VWC2: variants seen among roughly 807,000 people sequenced by gnomAD.
The protein encoded by VWC2 is von Willebrand factor C domain containing 2, also known as brorin.
A neutral mutation model predicts 29.8 loss-of-function variants in VWC2; 14 were observed. The observed-to-expected ratio is 0.47, with a 90% CI of 0.31 to 0.74. The LOEUF is 0.74. Among genes scored for constraint, VWC2 ranks in the 30% least tolerant of loss-of-function variants. The pLI, the probability that VWC2 is intolerant of heterozygous loss-of-function variation, is 0.05. For synonymous variants in VWC2, 213 were observed against 199.0 expected, an observed-to-expected ratio of 1.07 and a Z score of -0.59; for missense variants, 457 against 459.8, an observed-to-expected ratio of 0.99 and a Z score of 0.05.
intron 2 of VWC2, among the ~76,000 whole-genome samples, chr7:49,780,208 T>C (rs1409950413): frequency 1.3e-5 from 2 of 152,208 alleles, no homozygotes; most frequent in Non-Finnish European, 2.9e-5. Flanking sequence ...GAACATTAAC[T>C]GAGGGGCTCA....
At chr7:49,813,895 T>C (rs1789070057) in intron 3 of VWC2, among the ~76,000 whole-genome samples, 1 of 152,186 alleles carries the variant, frequency 6.6e-6, no homozygotes, top group Admixed American at 6.5e-5. Context: ...TTAGCTACAA[T>C]ATTTAGCAGA....
chr7:49,786,024 T>C (rs1488709672), intron 2 of VWC2, among the ~76,000 whole-genome samples: 1 of 152,170 alleles, frequency 6.6e-6, no homozygotes, highest in African/African-American at 2.4e-5. Flanking sequence ...TTTTGCAAGG[T>C]ATTTGTTACC....
chr7:49,875,976 G>T lies in VWC2; in HGVS notation c.827-36058G>T, dbSNP rs1455390111. On this transcript the variant is annotated intron_variant, in intron 3 of 3. Coordinates refer to ENST00000340652, the MANE Select transcript of VWC2 (RefSeq NM_198570.5). ...GAGTCGAAGAAATTGGTGTTGCATT[G>T]TGCTGGCACACTTATTCTGTACTGT... Among the ~76,000 whole-genome samples the T allele has an allele frequency of 1.3e-5, 2 of 152,128 alleles. 1 individual carries two copies. Among genetic ancestry groups the T allele is most frequent in the Non-Finnish European group, 2.9e-5 (2 of 68,018 alleles).
intron 3 of VWC2, among the ~76,000 whole-genome samples, chr7:49,903,761 G>A (rs1792915295): frequency 6.6e-6 from 1 of 152,172 alleles, no homozygotes; most frequent in African/African-American, 2.4e-5. Flanking sequence ...CTTGCTCCAG[G>A]AAAATTTAGG....
intron 3 of VWC2, among the ~76,000 whole-genome samples, chr7:49,871,285 C>T (rs896471076): frequency 1.6e-4 from 24 of 152,094 alleles, no homozygotes; most frequent in African/African-American, 5.6e-4. Flanking sequence ...TTTCATGGAC[C>T]TTTTGATCCA....
chr7:49,797,322 G>A lies in VWC2; in HGVS notation c.697-5389G>A, dbSNP rs375571177. Among the ~76,000 whole-genome samples the A allele has an allele frequency of 1.4e-4, 21 of 152,250 alleles. No homozygotes were observed. The East Asian group carries it at 3.9e-3, about 28-fold the overall frequency. On this transcript the variant is annotated intron_variant, in intron 2 of 3. Transcript: ENST00000340652. ...TACAATTACTTGGAAAATTGTTCTG[G>A]GGTTTTCATGCCTCCCATTTGTCTG...
chr7:49,846,791 TC>T (rs1562728449), intron 3 of VWC2, among the ~76,000 whole-genome samples: 1 of 152,176 alleles, frequency 6.6e-6, no homozygotes, highest in Non-Finnish European at 1.5e-5. Flanking sequence ...ACATTTTCCC[TC>T]CTTTATACAT....
Position 49,821,016 on chromosome 7 carries a change from C to T in VWC2, c.826+18176C>T, listed in dbSNP as rs116257863. On this transcript the variant is annotated intron_variant, in intron 3 of 3. Transcript: ENST00000340652. Reference sequence around the variant, plus strand: ...GATGAGCTGCCCAGCCCTCCCCGCCCAGGATGCTGAATGAAGGGCTTGTTT... The same window carrying T: ...GATGAGCTGCCCAGCCCTCCCCGCCTAGGATGCTGAATGAAGGGCTTGTTT... Among the ~76,000 whole-genome samples, 801 of 152,306 alleles carry T rather than the reference C, an allele frequency of 5.3e-3. 6 individuals carry two copies. The highest frequency in any genetic ancestry group is 0.018 in the African/African-American group (743 of 41,564).
At chr7:49,910,236 G>A (rs1018863011) in intron 3 of VWC2, among the ~76,000 whole-genome samples, 2 of 152,170 alleles carry the variant, frequency 1.3e-5, no homozygotes, top group East Asian at 1.9e-4. Flanking sequence ...GGGCGAACTC[G>A]AAAACCACCA....
chr7:49,899,983 C>T (rs1792625126), intron 3 of VWC2, among the ~76,000 whole-genome samples: 1 of 151,672 alleles, frequency 6.6e-6, no homozygotes, highest in African/African-American at 2.4e-5. Flanking sequence ...TCTCAGACTA[C>T]AAGGGAATTA....
At chr7:49,792,200 G>A (rs1788475940) in intron 2 of VWC2, among the ~76,000 whole-genome samples, 1 of 152,170 alleles carries the variant, frequency 6.6e-6, no homozygotes, top group Admixed American at 6.5e-5. Flanking sequence ...GTCCCCCATG[G>A]ATACCAGCGG....
intron 2 of VWC2, among the ~76,000 whole-genome samples, 164 bp downstream of exon 2, chr7:49,776,295 G>A (rs951518598): frequency 6.6e-6 from 1 of 152,232 alleles, no homozygotes; most frequent in Non-Finnish European, 1.5e-5. Flanking sequence ...TTTCAGGGCA[G>A]AGGTAATCCT....
In VWC2 at chr7:49,834,391, G is replaced by A. The variant is rs117732391; in HGVS notation, c.826+31551G>A. On this transcript the variant is annotated intron_variant, in intron 3 of 3. Coordinates refer to ENST00000340652, the MANE Select transcript of VWC2 (RefSeq NM_198570.5). Reference sequence around the variant, plus strand: ...GCAGAGAGCTTTCATCATACATTAAGAAGTCCATGCTGGAAACAAGATACA... The same window carrying A: ...GCAGAGAGCTTTCATCATACATTAAAAAGTCCATGCTGGAAACAAGATACA... Among the ~76,000 whole-genome samples the A allele has an allele frequency of 3.7e-3, 560 of 152,282 alleles. 3 individuals are homozygous for A. The highest frequency in any genetic ancestry group is 6.1e-3 in the Non-Finnish European group (417 of 68,024).
At chr7:49,899,766 G>A (rs1355813783) in intron 3 of VWC2, among the ~76,000 whole-genome samples, 4 of 151,856 alleles carry the variant, frequency 2.6e-5, no homozygotes, top group Non-Finnish European at 5.9e-5. Context: ...ATAGATTCGG[G>A]AAGCTGAAAA....
chr7:49,911,343 G>A (rs1793411696), intron 3 of VWC2, among the ~76,000 whole-genome samples: 1 of 151,774 alleles, frequency 6.6e-6, no homozygotes, highest in Non-Finnish European at 1.5e-5. Context: ...TTAGCTGGGT[G>A]TGGTGGCACG....
intron 3 of VWC2, among the ~76,000 whole-genome samples, chr7:49,905,279 G>C (rs10240475): frequency 0.029 from 4,369 of 152,240 alleles, 232 homozygotes; most frequent in African/African-American, 0.1. Flanking sequence ...GAGAGTACAT[G>C]ATAGCTATGG....
In VWC2 at chr7:49,833,008, T is replaced by C. The variant is rs142953298; in HGVS notation, c.826+30168T>C. On this transcript the variant is annotated intron_variant, in intron 3 of 3. Transcript: ENST00000340652. ...AGCCCTGTACATCCTGAGTTGGAAA[T>C]GTGAAAAGTCCAGAAGTCAAAATGA... Among the ~76,000 whole-genome samples, 1,121 of 152,210 alleles carry C rather than the reference T, an allele frequency of 7.4e-3. 52 individuals carry two copies. The South Asian group carries it at 0.12, about 16-fold the overall frequency.
chr7:49,777,073 A>T (rs1225075344), intron 2 of VWC2, among the ~76,000 whole-genome samples: 1 of 152,240 alleles, frequency 6.6e-6, no homozygotes, highest in Non-Finnish European at 1.5e-5. Context: ...AATCTCTGCC[A>T]GTGGGCTAGG....
Position 49,853,889 on chromosome 7 carries a change from G to A in VWC2, c.826+51049G>A, listed in dbSNP as rs551911291. Among the ~76,000 whole-genome samples the A allele has an allele frequency of 8.7e-3, 993 of 113,594 alleles. 8 individuals carry two copies. The highest frequency in any genetic ancestry group is 0.033 in the African/African-American group (925 of 28,190). 74.5% of individuals were successfully genotyped at this position (113,594 alleles called of 152,430 possible). A position where few individuals can be genotyped will look rare whatever the true frequency, so the allele number is the denominator to read the frequency against. On this transcript the variant is annotated intron_variant, in intron 3 of 3. Transcript: ENST00000340652. ...CTCCCCCCACCCCACAACAGGCCCC[G>A]GTGTGTGATGTTCCCCTTCCTGTGT... is the stretch of plus-strand genomic sequence containing the variant.
Sources: gnomAD v4.1 joint callset for allele counts (sites outside exome capture counted in the v4.1 genomes callset) on GRCh38, gnomAD v4.1.1 for gene constraint, MANE v1.5 for transcripts, NCBI Gene and HGNC (gene_info 2026-07-23, HGNC 2026-07-21) for gene names.